Variants in HS6ST3 observed in about 807,000 individuals in gnomAD.
HS6ST3 encodes the protein heparan sulfate 6-O-sulfotransferase 3, also known as heparan-sulfate 6-O-sulfotransferase 3.
Under a neutral mutation model 36.7 loss-of-function variants are expected in HS6ST3, and 12 were observed. The ratio of observed to expected loss-of-function variants is 0.33; its 90% CI spans 0.21 to 0.53. HS6ST3 has a LOEUF of 0.53. Ranked by LOEUF, HS6ST3 falls within the 20% of genes least tolerant of loss-of-function variation. The pLI is 0.95. For synonymous variants in HS6ST3, 240 were observed against 257.5 expected (o/e 0.93, Z 0.65); for missense variants, 584 against 640.9 (o/e 0.91, Z 0.96).
intron 1 of HS6ST3, among the ~76,000 whole-genome samples, chr13:96,372,514 T>C (rs893275410): frequency 6.6e-6 from 1 of 152,172 alleles, no homozygotes; most frequent in African/African-American, 2.4e-5. Flanking sequence ...TTTTTGCTTT[T>C]GTTGCCTGTG....
intron 1 of HS6ST3, among the ~76,000 whole-genome samples, chr13:96,166,187 AT>A (rs1319023017): frequency 1.3e-5 from 2 of 152,114 alleles, no homozygotes; most frequent in South Asian, 2.1e-4. Flanking sequence ...CCTCCTGAAT[AT>A]CTGGGGCTAC....
At chr13:96,527,694 G>A (rs1227516839) in intron 1 of HS6ST3, among the ~76,000 whole-genome samples, 1 of 152,194 alleles carries the variant, frequency 6.6e-6, no homozygotes, top group African/African-American at 2.4e-5. Flanking sequence ...AGGATCACCA[G>A]CAGAGGGAAC....
At chr13:96,349,828 A>T (rs770060408) in intron 1 of HS6ST3, among the ~76,000 whole-genome samples, 1 of 152,224 alleles carries the variant, frequency 6.6e-6, no homozygotes, top group Non-Finnish European at 1.5e-5. Flanking sequence ...GAATCTATTC[A>T]TATAAAAAGC....
At chr13:96,622,150 T>C (rs1392825564) in intron 1 of HS6ST3, among the ~76,000 whole-genome samples, 4 of 152,086 alleles carry the variant, frequency 2.6e-5, no homozygotes, top group Non-Finnish European at 4.4e-5. Flanking sequence ...GGCTGATTTC[T>C]ATGTCAAAGT....
intron 1 of HS6ST3, among the ~76,000 whole-genome samples, chr13:96,571,572 A>G (rs2056301211): frequency 6.6e-6 from 1 of 152,218 alleles, no homozygotes; most frequent in Admixed American, 6.5e-5. Flanking sequence ...TGTATAACAA[A>G]TTAATCTCCA....
intron 1 of HS6ST3, among the ~76,000 whole-genome samples, chr13:96,548,947 A>G (rs1471268771): frequency 2.6e-5 from 4 of 152,214 alleles, no homozygotes; most frequent in Non-Finnish European, 4.4e-5. Context: ...TGGACACTCC[A>G]TGACCCAGTC....
At chr13:96,156,840 A>T (rs1042489800) in intron 1 of HS6ST3, among the ~76,000 whole-genome samples, 2 of 152,348 alleles carry the variant, frequency 1.3e-5, no homozygotes, top group Admixed American at 1.3e-4. Context: ...AGCTCATAGC[A>T]CAGTGCCTCG....
chr13:96,815,280 T>C (rs1398036026), intron 1 of HS6ST3, among the ~76,000 whole-genome samples: 1 of 152,168 alleles, frequency 6.6e-6, no homozygotes, highest in African/African-American at 2.4e-5. Context: ...TCACTCCACA[T>C]ATATTTGTCT....
At chr13:96,118,079 C>T (rs2053902325) in intron 1 of HS6ST3, among the ~76,000 whole-genome samples, 1 of 151,794 alleles carries the variant, frequency 6.6e-6, no homozygotes, top group South Asian at 2.1e-4. Flanking sequence ...ACTATGTTGG[C>T]CAGGCTGGTC....
At chr13:96,535,158 G>T (rs2056150319) in intron 1 of HS6ST3, among the ~76,000 whole-genome samples, 1 of 152,130 alleles carries the variant, frequency 6.6e-6, no homozygotes, top group Admixed American at 6.5e-5. Flanking sequence ...GTAGAAACAT[G>T]AATCCAGGAA....
chr13:96,479,735 A>T (rs1449861765), intron 1 of HS6ST3, among the ~76,000 whole-genome samples: 3 of 152,214 alleles, frequency 2.0e-5, no homozygotes, highest in African/African-American at 7.2e-5. Context: ...ACATCTCTGT[A>T]GCTTAACAAA....
intron 1 of HS6ST3, among the ~76,000 whole-genome samples, chr13:96,313,826 G>C (rs1267397973): frequency 6.6e-6 from 1 of 152,164 alleles, no homozygotes; most frequent in Non-Finnish European, 1.5e-5. Context: ...ACCCGCACAG[G>C]TGTCTGTGTG....
chr13:96,317,339 TATATATATATATATATA>T (rs2054976152), intron 1 of HS6ST3, among the ~76,000 whole-genome samples: 1 of 23,606 alleles, frequency 4.2e-5, no homozygotes, highest in African/African-American at 1.9e-4. Flanking sequence ...TATATATATA[TATATATATATATATATA>T]TATATATATA....
At chr13:96,732,762 C>G (rs1014678057) in intron 1 of HS6ST3, among the ~76,000 whole-genome samples, 1 of 152,122 alleles carries the variant, frequency 6.6e-6, no homozygotes, top group Admixed American at 6.6e-5. Context: ...GACATTTTAA[C>G]AATAGTATCT....
At chr13:96,570,153 T>C (rs79978733) in intron 1 of HS6ST3, among the ~76,000 whole-genome samples, 3 of 152,224 alleles carry the variant, frequency 2.0e-5, no homozygotes, top group Admixed American at 6.5e-5. Context: ...TTTTAAGAGA[T>C]AGATGTGTCT....
At chr13:96,720,976 C>T (rs748199314) in intron 1 of HS6ST3, among the ~76,000 whole-genome samples, 1 of 152,108 alleles carries the variant, frequency 6.6e-6, no homozygotes, top group East Asian at 1.9e-4. Context: ...TAATGATAAA[C>T]CCTGCAAGAA....
At chr13:96,811,042 A>C (rs534698246) in intron 1 of HS6ST3, among the ~76,000 whole-genome samples, 2 of 152,116 alleles carry the variant, frequency 1.3e-5, no homozygotes, top group East Asian at 3.9e-4. Flanking sequence ...TGTTTAGGAC[A>C]AGTGATAAGG....
At chr13:96,737,737 G>A (rs1426960540) in intron 1 of HS6ST3, among the ~76,000 whole-genome samples, 1 of 149,652 alleles carries the variant, frequency 6.7e-6, no homozygotes, top group African/African-American at 2.4e-5. Context: ...TTCAGATTAT[G>A]TAAAAACTAA....
At chr13:96,611,774 G>A (rs546340936) in intron 1 of HS6ST3, among the ~76,000 whole-genome samples, 1 of 152,260 alleles carries the variant, frequency 6.6e-6, no homozygotes, top group East Asian at 1.9e-4. Context: ...GACTAGCAAT[G>A]GGTCAAGCTT....
Sources: allele counts gnomAD v4.1 joint callset (sites outside exome capture counted in the v4.1 genomes callset), GRCh38; gene constraint gnomAD v4.1.1; transcripts MANE v1.5; gene names NCBI Gene and HGNC (gene_info 2026-07-23, HGNC 2026-07-21).